PGBD1: variants seen among roughly 807,000 people sequenced by gnomAD.
PGBD1 encodes the protein piggyBac transposable element derived 1.
In PGBD1, 25 loss-of-function variants were observed where a neutral mutation model predicts 34.7. That is an observed-to-expected ratio of 0.72 (90% CI 0.52 to 1.00). The LOEUF (loss-of-function observed/expected upper bound fraction) is 1.00, where lower values mean the gene tolerates loss of function less well. Among genes scored for constraint, PGBD1 ranks in the 50% least tolerant of loss-of-function variants. The pLI is 0.00. For missense variants in PGBD1, 830 were observed against 959.4 expected (o/e 0.87, Z 1.78); for synonymous variants, 292 against 335.7 (o/e 0.87, Z 1.42).
At position 28,301,055 on chromosome 6, in the gene PGBD1, A is replaced by G; in HGVS notation, c.1201A>G (p.Ser401Gly). ...TKRDIKPNFP[S>G]WSALDSGLLN... ...AAGAGACATTAAACCCAATTTTCCA[A>G]GCTGGTCAGCACTGGATTCTGGACT... The change falls in exon 7 of 7, where the codon AGC (serine) becomes GGC (glycine). Residue 401 changes from serine to glycine, a missense_variant. By Grantham distance (56) the Ser-to-Gly change is moderately conservative (BLOSUM62 0). Transcript: ENST00000682144. 11 of 1,614,220 alleles carry G rather than the reference A, an allele frequency of 6.8e-6. No individual in the cohort carries two copies. Among genetic ancestry groups the G allele is most frequent in the Non-Finnish European group, 9.3e-6 (11 of 1,180,042 alleles).
chr6:28,287,803 T>A (rs1157934782), intron 4 of PGBD1, among the ~76,000 whole-genome samples: 2 of 152,208 alleles, frequency 1.3e-5, no homozygotes, highest in Admixed American at 1.3e-4. Context: ...AATTTTTAAT[T>A]CTATCAGACC....
At chr6:28,296,967 GACCCCTGT>G in intron 5 of PGBD1, 22 bp downstream of exon 5, 1 of 1,613,172 alleles carries the variant, frequency 6.2e-7, no homozygotes, top group Non-Finnish European at 8.5e-7. Flanking sequence ...CCTCTGGCTG[GACCCCTGT>G]CTGGACTCTC....
At position 28,301,612 on chromosome 6, in the gene PGBD1, T is replaced by G. The variant is rs893308910; in HGVS notation, c.1758T>G (p.Tyr586Ter). The G allele has an allele frequency of 5.0e-6, 8 of 1,614,106 alleles. No homozygotes were observed. Among genetic ancestry groups the G allele is most frequent in the Non-Finnish European group, 6.8e-6 (8 of 1,180,042 alleles). Residue 586 changes from tyrosine (Y) to a stop codon, truncating the protein, a stop_gained, in exon 7 of 7, where the codon TAT becomes TAG. Transcript: ENST00000682144. LOFTEE classifies it low-confidence loss of function (END_TRUNC). ...GTTATCTGGTTTGGTTTGAACCCTATCAAGAAGAATCAACTATGAAGGTAG... is the reference window on the plus strand; with the variant it reads ...GTTATCTGGTTTGGTTTGAACCCTAGCAAGAAGAATCAACTATGAAGGTAG... ...TQGYLVWFEPYQEESTMKVDE... is the reference protein window; with the variant it reads ...TQGYLVWFEP
intron 3 of PGBD1, 123 bp downstream of exon 3, chr6:28,285,830 A>C: frequency 4.4e-3 from 4,049 of 927,840 alleles, no homozygotes; most frequent in Non-Finnish European, 5.8e-3. Context: ...TACATATCTC[A>C]CAGTTACCTT....
intron 2 of PGBD1, among the ~76,000 whole-genome samples, chr6:28,284,430 C>A (rs556105987): frequency 1.3e-5 from 2 of 152,098 alleles, no homozygotes; most frequent in Non-Finnish European, 2.9e-5. Flanking sequence ...ATTCCCCCCC[C>A]CCAAGATGCA....
At chr6:28,297,041 C>G (rs1762666944) in intron 5 of PGBD1, 96 bp downstream of exon 5, 1 of 1,382,192 alleles carries the variant, frequency 7.2e-7, no homozygotes, top group Admixed American at 2.2e-5. Context: ...TCCTACAGAC[C>G]CACACCCTTC....
rs7767897 is a variant in PGBD1, at chr6:28,302,523, T to C, written c.*239T>C. 0.021 allele frequency: 9,304 copies of C among 446,160 alleles called. 365 individuals carry two copies. The highest frequency in any genetic ancestry group is 0.1 in the African/African-American group (5,055 of 49,860). The allele number at this position is 446,160 out of a possible 1,614,324, so 27.6% of individuals were successfully genotyped here. On this transcript the variant is annotated 3_prime_UTR_variant, in exon 7 of 7. Coordinates refer to ENST00000682144, the MANE Select transcript of PGBD1 (RefSeq NM_032507.4). ...TCTATGTCAAGTTTTGTGTCAGACA[T>C]GGGAAATCATGTATTTGTTCAATTG...
chr6:28,299,257 G>A (rs1762747139), intron 6 of PGBD1, among the ~76,000 whole-genome samples: 1 of 152,132 alleles, frequency 6.6e-6, no homozygotes, highest in Non-Finnish European at 1.5e-5. Context: ...TGTGAAGGTA[G>A]GCTATTTCAG....
intron 3 of PGBD1, 29 bp downstream of exon 3, chr6:28,285,736 C>A (rs372616014): frequency 6.3e-7 from 1 of 1,598,290 alleles, no homozygotes; most frequent in Non-Finnish European, 8.5e-7. Flanking sequence ...TTAGTGAGGA[C>A]GCTGGGAGCT....
In PGBD1 at chr6:28,296,936, A is replaced by C; in HGVS notation, c.763A>C (p.Ser255Arg). ...NSAQETVMSL[S>R]PMTEEIVTKD... ...AGCTCAGGAGACAGTTATGAGCCTCAGTCCGATGAGTAAGGCCAGGCCTCT... is the reference window on the plus strand; with the variant it reads ...AGCTCAGGAGACAGTTATGAGCCTCCGTCCGATGAGTAAGGCCAGGCCTCT... The change falls in exon 5 of 7, where the codon AGT (serine) becomes CGT (arginine). Residue 255 changes from serine to arginine, a missense_variant. Coordinates refer to ENST00000682144, the MANE Select transcript of PGBD1 (RefSeq NM_032507.4). 6.2e-7 allele frequency: 1 copy of C among 1,614,090 alleles called. No homozygotes were observed. Among genetic ancestry groups the C allele is most frequent in the Admixed American group, 1.7e-5 (1 of 60,004 alleles).
At chr6:28,284,422 TCCCC>T (rs34279830) in intron 2 of PGBD1, among the ~76,000 whole-genome samples, 17 of 149,278 alleles carry the variant, frequency 1.1e-4, no homozygotes, top group Admixed American at 8.0e-4. Flanking sequence ...GGAAGTGCAT[TCCCC>T]CCCCCCAAGA....
intron 1 of PGBD1, 154 bp from the exon 2 acceptor site, chr6:28,283,622 A>G: frequency 1.6e-6 from 1 of 606,516 alleles, no homozygotes. Flanking sequence ...CTTCTGATTC[A>G]TTTCACTGAT....
In PGBD1 at chr6:28,285,584, C is replaced by T; in HGVS notation, c.430C>T (p.Pro144Ser). 1 of 1,614,066 alleles carries T rather than the reference C, an allele frequency of 6.2e-7. No individual in the cohort carries two copies. The highest frequency in any genetic ancestry group is 8.5e-7 in the Non-Finnish European group (1 of 1,180,004). The change falls in exon 3 of 7, where the codon CCA (proline) becomes TCA (serine). Residue 144 changes from proline (P) to serine (S), a missense_variant. By Grantham distance (74) the Pro-to-Ser change is moderately conservative (BLOSUM62 -1). Coordinates refer to ENST00000682144, the MANE Select transcript of PGBD1 (RefSeq NM_032507.4). Reference protein sequence around the residue: ...SVYIQGQDMHPMVAEYQGVSL... With the variant: ...SVYIQGQDMHSMVAEYQGVSL... ...CTATATTCAGGGACAGGACATGCAC[C>T]CAATGGTGGCAGAATATCAAGGAGT... is the stretch of plus-strand genomic sequence containing the variant.
In PGBD1 at chr6:28,297,880, A is replaced by T; in HGVS notation, c.773-15A>T. 1.4e-6 allele frequency: 1 copy of T among 730,398 alleles called. No homozygotes were observed. The highest frequency in any genetic ancestry group is 2.1e-6 in the Non-Finnish European group (1 of 469,760). The allele number at this position is 730,398 out of a possible 1,614,324, so 45.2% of individuals were successfully genotyped here. On this transcript the variant is annotated splice_polypyrimidine_tract_variant and intron_variant, in intron 5 of 6. Transcript: ENST00000682144. ...CATAACAGATGACATTTAAATCATT[A>T]ATGTTATATTTTAGCTGAAGAAATT...
Position 28,301,307 on chromosome 6 carries a change from G to A in PGBD1, c.1453G>A (p.Asp485Asn), listed in dbSNP as rs919735330. 2.3e-5 allele frequency: 37 copies of A among 1,613,964 alleles called. No homozygotes were observed. The highest frequency in any genetic ancestry group is 2.8e-5 in the Non-Finnish European group (33 of 1,180,022). The part of the protein sequence containing the change: ...REMYWEVSDT[D>N]QNLVRDAIRR... ...AATGTATTGGGAAGTCTCTGACACC[G>A]ATCAGAACCTGGTTAGAGATGCAAT... is the stretch of plus-strand genomic sequence containing the variant. Residue 485 changes from aspartate to asparagine, a missense_variant, in exon 7 of 7, where the codon GAT (aspartate) becomes AAT (asparagine). Physicochemically the swap from Asp to Asn is conservative, Grantham distance 23 (BLOSUM62 1). This residue lies in a region of PGBD1 where 372 missense variants were observed against 427.9 expected (regional missense o/e 0.87). Transcript: ENST00000682144.
intron 2 of PGBD1, 121 bp downstream of exon 2, chr6:28,284,330 T>C (rs765271173): frequency 1.5e-4 from 171 of 1,173,882 alleles, no homozygotes; most frequent in Non-Finnish European, 1.9e-4. Flanking sequence ...AATAGAGAAC[T>C]CCCGTAAAAC....
At chr6:28,285,066 T>C (rs1762246337) in intron 2 of PGBD1, among the ~76,000 whole-genome samples, 1 of 152,210 alleles carries the variant, frequency 6.6e-6, no homozygotes, top group African/African-American at 2.4e-5. Context: ...GCTGTCTTTG[T>C]CATGACGTTG....
intron 2 of PGBD1, among the ~76,000 whole-genome samples, chr6:28,284,573 A>G (rs564415659): frequency 9.8e-4 from 149 of 152,304 alleles, no homozygotes; most frequent in African/African-American, 3.3e-3. Context: ...TGGTACGATC[A>G]TAGCATCATT....
chr6:28,282,710 G>A (rs1762166165), intron 1 of PGBD1, among the ~76,000 whole-genome samples: 1 of 152,104 alleles, frequency 6.6e-6, no homozygotes, highest in Non-Finnish European at 1.5e-5. Flanking sequence ...CAGCTTTGAG[G>A]GACTCTGATT....
Sources: gnomAD v4.1 joint callset for allele counts (sites outside exome capture counted in the v4.1 genomes callset) on GRCh38, gnomAD v4.1.1 for gene constraint, gnomAD v4.1.1 regional missense constraint, MANE v1.5 for transcripts, NCBI Gene and HGNC (gene_info 2026-07-23, HGNC 2026-07-21) for gene names.